LGSN: variants seen among roughly 807,000 people sequenced by gnomAD.
The protein encoded by LGSN is lengsin.
In LGSN, 21 loss-of-function variants were observed where a neutral mutation model predicts 19.5. That is an observed-to-expected ratio of 1.07 (90% CI 0.76 to 1.55). The LOEUF is 1.55. LGSN is among the 40% of genes most tolerant of loss of function. LGSN has a pLI of 0.00. For missense variants in LGSN, 673 were observed against 608.5 expected, an observed-to-expected ratio of 1.11 and a Z score of -1.12; for synonymous variants, 257 against 215.6, an observed-to-expected ratio of 1.19 and a Z score of -1.68.
At chr6:63,534,165 G>A in the LGSN span, among the ~76,000 whole-genome samples, 1 of 151,944 alleles carries the variant, frequency 6.6e-6, no homozygotes, top group Admixed American at 6.6e-5. Context: ...TTTTAATGTG[G>A]AAACTGCCAT....
chr6:63,545,420 G>A, the LGSN span, among the ~76,000 whole-genome samples: 26 of 152,024 alleles, frequency 1.7e-4, no homozygotes, highest in Non-Finnish European at 3.7e-4. Flanking sequence ...GACCAGGCTG[G>A]CCAACAGGGT....
At chr6:63,344,537 G>T in the LGSN span, among the ~76,000 whole-genome samples, 1 of 152,162 alleles carries the variant, frequency 6.6e-6, no homozygotes, top group Non-Finnish European at 1.5e-5. Flanking sequence ...GAAGTGAAAA[G>T]AGTTCCCATG....
At chr6:63,432,164 AGAAAGAAAAG>A in the LGSN span, among the ~76,000 whole-genome samples, 613 of 108,750 alleles carry the variant, frequency 5.6e-3, 3 homozygotes, top group East Asian at 6.7e-3. Context: ...AAAGAAAGAA[AGAAAGAAAAG>A]GAAAGAAAGA....
chr6:63,444,898 G>C, the LGSN span, among the ~76,000 whole-genome samples: 7 of 152,168 alleles, frequency 4.6e-5, no homozygotes, highest in Non-Finnish European at 8.8e-5. Context: ...GCCAACCAAC[G>C]AAAGGCTGGA....
the LGSN span, among the ~76,000 whole-genome samples, chr6:63,403,176 T>C: frequency 6.6e-6 from 1 of 152,268 alleles, no homozygotes; most frequent in East Asian, 1.9e-4. Flanking sequence ...GTGATAAATA[T>C]GGATGTTAAA....
At chr6:63,549,124 G>T in the LGSN span, 1 of 691,180 alleles carries the variant, frequency 1.4e-6, no homozygotes, top group East Asian at 2.6e-5. Flanking sequence ...CTCTTAGTGG[G>T]GATGCCCCCT....
the LGSN span, chr6:63,549,649 T>C: frequency 2.1e-6 from 1 of 483,032 alleles, no homozygotes; most frequent in Non-Finnish European, 3.6e-6. Context: ...AATCCTGTCA[T>C]TGGCAGTAAC....
chr6:63,345,110 A>C, the LGSN span, among the ~76,000 whole-genome samples: 9 of 141,770 alleles, frequency 6.3e-5, no homozygotes, highest in Non-Finnish European at 1.0e-4. Context: ...TTATCCCACA[A>C]AAAAAAATAA....
the LGSN span, among the ~76,000 whole-genome samples, chr6:63,393,940 T>C: frequency 6.6e-6 from 1 of 152,168 alleles, no homozygotes; most frequent in South Asian, 2.1e-4. Context: ...ATAGGAGGTC[T>C]GCAAAAGATA....
chr6:63,408,293 C>T, the LGSN span, among the ~76,000 whole-genome samples: 1 of 150,702 alleles, frequency 6.6e-6, no homozygotes, highest in Admixed American at 6.6e-5. Context: ...TACAAGGCTA[C>T]AGTAACCAAA....
chr6:63,529,205 G>GTATATATATGTGTGTATATATATATATA, the LGSN span, among the ~76,000 whole-genome samples: 2 of 145,802 alleles, frequency 1.4e-5, no homozygotes, highest in African/African-American at 5.1e-5. Context: ...ATATATATAT[G>GTATATATATGTGTGTATATATATATATA]TATATATATT....
chr6:63,383,371 TACACACAC>T, the LGSN span, among the ~76,000 whole-genome samples: 10 of 139,302 alleles, frequency 7.2e-5, no homozygotes, highest in East Asian at 1.2e-3. Context: ...AACCATTACT[TACACACAC>T]ACACACACAC....
At chr6:63,446,231 G>A in the LGSN span, among the ~76,000 whole-genome samples, 3 of 124,216 alleles carry the variant, frequency 2.4e-5, no homozygotes, top group Non-Finnish European at 3.2e-5. Context: ...CCTGGGCGAC[G>A]AGACTGTGTC....
chr6:63,310,502 T>C (rs1300208002), intron 1 of LGSN, among the ~76,000 whole-genome samples: 1 of 152,024 alleles, frequency 6.6e-6, no homozygotes, highest in Admixed American at 6.6e-5. Flanking sequence ...AATTTTTATA[T>C]ATACAATATG....
At chr6:63,336,307 T>C in the LGSN span, among the ~76,000 whole-genome samples, 2 of 152,150 alleles carry the variant, frequency 1.3e-5, no homozygotes, top group Non-Finnish European at 2.9e-5. Flanking sequence ...CTTGATTTGA[T>C]CATTACACAT....
the LGSN span, among the ~76,000 whole-genome samples, chr6:63,445,714 AC>A: frequency 2.0e-5 from 3 of 152,188 alleles, no homozygotes; most frequent in Non-Finnish European, 4.4e-5. Flanking sequence ...AGATTTAGAG[AC>A]TTTTGTTTAT....
At chr6:63,549,300 A>T in the LGSN span, 1 of 754,204 alleles carries the variant, frequency 1.3e-6, no homozygotes, top group South Asian at 1.4e-5. Context: ...CCACTTACAG[A>T]GGATGGCTCT....
chr6:63,294,285 A>G (rs1767890099), intron 2 of LGSN, among the ~76,000 whole-genome samples: 1 of 152,154 alleles, frequency 6.6e-6, no homozygotes, highest in Non-Finnish European at 1.5e-5. Flanking sequence ...CAGTGAGCCA[A>G]GATCATGCCA....
chr6:63,310,032 C>T (rs1055925295), intron 1 of LGSN, among the ~76,000 whole-genome samples: 53 of 152,340 alleles, frequency 3.5e-4, no homozygotes, highest in Admixed American at 3.3e-3. Flanking sequence ...TCTGCATAAT[C>T]CAGGCTCTCA....
Sources: gnomAD v4.1 joint callset for allele counts (sites outside exome capture counted in the v4.1 genomes callset) on GRCh38, gnomAD v4.1.1 for gene constraint, MANE v1.5 for transcripts, NCBI Gene and HGNC (gene_info 2026-07-23, HGNC 2026-07-21) for gene names.